The following MAGI1 variants were observed in gnomAD, a reference collection of about 807,000 sequenced individuals.
MAGI1 encodes the protein membrane-associated guanylate kinase, WW and PDZ domain-containing protein 1.
MAGI1 carries 58 observed loss-of-function variants against 139.9 expected under a neutral mutation model. The observed-to-expected ratio is 0.41, with a 90% confidence interval of 0.34 to 0.52. MAGI1 has a LOEUF of 0.52. Ranked by LOEUF, MAGI1 falls within the 20% of genes least tolerant of loss-of-function variation. The pLI, the probability that MAGI1 is intolerant of heterozygous loss-of-function variation, is 0.12. For missense variants in MAGI1, 1,874 were observed against 1,901.6 expected (o/e 0.99, Z 0.27); for synonymous variants, 812 against 737.9 (o/e 1.10, Z -1.63).
At chr3:65,372,750 C>A (rs1942124948) in intron 18 of MAGI1, among the ~76,000 whole-genome samples, 1 of 152,228 alleles carries the variant, frequency 6.6e-6, no homozygotes, top group Non-Finnish European at 1.5e-5. Context: ...TTTGCACTTG[C>A]TGCTTCCCCT....
intron 13 of MAGI1, among the ~76,000 whole-genome samples, chr3:65,392,709 C>T (rs1291104139): frequency 6.6e-6 from 1 of 152,182 alleles, no homozygotes; most frequent in African/African-American, 2.4e-5. Context: ...CCCTATACTT[C>T]CTCTCCTTCC....
chr3:65,385,984 G>A (rs1026750257), intron 14 of MAGI1, among the ~76,000 whole-genome samples: 8 of 152,142 alleles, frequency 5.3e-5, no homozygotes, highest in Non-Finnish European at 8.8e-5. Flanking sequence ...GTGCTTTCCA[G>A]CCAGCACTGG....
chr3:65,794,516 A>T (rs1397912007), intron 1 of MAGI1, among the ~76,000 whole-genome samples: 1 of 152,102 alleles, frequency 6.6e-6, no homozygotes, highest in East Asian at 1.9e-4. Context: ...TCTGCAGGAC[A>T]GTGAGGTGAT....
intron 14 of MAGI1, among the ~76,000 whole-genome samples, chr3:65,387,830 T>C (rs748750593): frequency 1.4e-4 from 21 of 152,308 alleles, no homozygotes; most frequent in Non-Finnish European, 2.5e-4. Flanking sequence ...AGAAGCTCAA[T>C]CGCCACTTCC....
intron 1 of MAGI1, among the ~76,000 whole-genome samples, chr3:65,746,060 G>C (rs969246749): frequency 2.0e-5 from 3 of 151,824 alleles, no homozygotes; most frequent in Admixed American, 2.0e-4. Flanking sequence ...TTTTTAGATG[G>C]AGTCTTGCTC....
At chr3:65,577,920 G>A (rs992234771) in intron 2 of MAGI1, among the ~76,000 whole-genome samples, 3 of 152,176 alleles carry the variant, frequency 2.0e-5, no homozygotes, top group Admixed American at 2.0e-4. Flanking sequence ...GCTCCTGTTT[G>A]TGGTCTGTCT....
Position 65,589,373 on chromosome 3 carries a change from C to T in MAGI1, c.430+32599G>A, listed in dbSNP as rs971865806. On this transcript the variant is annotated intron_variant, in intron 2 of 22. Coordinates refer to ENST00000402939, the MANE Select transcript of MAGI1 (RefSeq NM_001033057.2). The stretch of plus-strand genomic sequence containing the variant: ...ACTTGCATGCCCCTTGTGACTTTCC[C>T]GTCTACTAAGTCACCCTTCCTAGGA... Among the ~76,000 whole-genome samples, 13 of 152,258 alleles carry T rather than the reference C, an allele frequency of 8.5e-5. No homozygotes were observed. In the South Asian group the frequency reaches 2.1e-3, roughly 24 times the overall value.
chr3:65,890,237 C>T (rs1000670185), intron 1 of MAGI1, among the ~76,000 whole-genome samples: 4 of 152,056 alleles, frequency 2.6e-5, no homozygotes, highest in East Asian at 1.9e-4. Flanking sequence ...TGGTGGCGGG[C>T]GCCTGCAGTC....
chr3:65,380,719 C>T (rs930776488), intron 16 of MAGI1: 2 of 151,760 alleles, frequency 1.3e-5, no homozygotes, highest in African/African-American at 4.8e-5. Flanking sequence ...CCTGAAACAA[C>T]AAAAAAAATC....
intron 2 of MAGI1, among the ~76,000 whole-genome samples, chr3:65,603,717 G>A (rs1044814782): frequency 2.6e-5 from 4 of 152,178 alleles, no homozygotes; most frequent in Admixed American, 1.3e-4. Flanking sequence ...TGAGACAGTC[G>A]TTTATAAAGA....
chr3:65,520,360 C>T (rs1303003648), intron 2 of MAGI1, among the ~76,000 whole-genome samples: 1 of 152,072 alleles, frequency 6.6e-6, no homozygotes, highest in Non-Finnish European at 1.5e-5. Flanking sequence ...TGGTTAAGAA[C>T]TTGGGGTTTT....
At chr3:65,434,825 T>C (rs1003579830) in intron 10 of MAGI1, among the ~76,000 whole-genome samples, 3 of 152,142 alleles carry the variant, frequency 2.0e-5, no homozygotes, top group African/African-American at 7.2e-5. Flanking sequence ...GACTACACAG[T>C]AGAAGGGTGG....
intron 1 of MAGI1, among the ~76,000 whole-genome samples, chr3:65,804,942 T>C (rs2040755386): frequency 6.6e-6 from 1 of 152,158 alleles, no homozygotes; most frequent in Non-Finnish European, 1.5e-5. Context: ...TAACTCAAGA[T>C]GGATTCAAGA....
intron 17 of MAGI1, 195 bp downstream of exon 17, chr3:65,379,066 G>C: frequency 8.6e-7 from 1 of 1,163,804 alleles, no homozygotes; most frequent in Non-Finnish European, 1.2e-6. Context: ...TGAAAGGGTT[G>C]AACAAATATT....
intron 5 of MAGI1, among the ~76,000 whole-genome samples, chr3:65,462,606 T>C (rs1949883629): frequency 6.6e-6 from 1 of 152,226 alleles, no homozygotes; most frequent in Non-Finnish European, 1.5e-5. Flanking sequence ...ACATGCTCTT[T>C]TTCTGGTTCT....
At chr3:65,932,503 G>A (rs923709266) in intron 1 of MAGI1, among the ~76,000 whole-genome samples, 10 of 152,046 alleles carry the variant, frequency 6.6e-5, no homozygotes, top group Non-Finnish European at 1.3e-4. Flanking sequence ...CCACCATCCC[G>A]AACATATATA....
chr3:66,002,326 T>C (rs2066787176), intron 1 of MAGI1, among the ~76,000 whole-genome samples: 2 of 152,162 alleles, frequency 1.3e-5, no homozygotes, highest in South Asian at 4.2e-4. Flanking sequence ...TCACTTGACA[T>C]TTTGTTTCCT....
intron 2 of MAGI1, among the ~76,000 whole-genome samples, chr3:65,596,192 G>C (rs2082186758): frequency 6.6e-6 from 1 of 152,144 alleles, no homozygotes; most frequent in Admixed American, 6.5e-5. Flanking sequence ...TCTCAACTAA[G>C]AAATGCATTT....
chr3:65,930,076 G>T (rs912883721), intron 1 of MAGI1, among the ~76,000 whole-genome samples: 1 of 152,030 alleles, frequency 6.6e-6, no homozygotes, highest in Non-Finnish European at 1.5e-5. Flanking sequence ...CAGCACTTTG[G>T]GAGGCCGAGG....
Sources: gnomAD v4.1 joint callset for allele counts (sites outside exome capture counted in the v4.1 genomes callset) on GRCh38, gnomAD v4.1.1 for gene constraint, MANE v1.5 for transcripts, NCBI Gene and HGNC (gene_info 2026-07-23, HGNC 2026-07-21) for gene names.